The following MYH11 variants were observed in gnomAD, a reference collection of about 807,000 sequenced individuals.
MYH11 encodes myosin heavy chain 11, also known as myosin-11.
In MYH11, 80 loss-of-function variants were observed where a neutral mutation model predicts 246.6. The ratio of observed to expected loss-of-function variants is 0.32; its 90% CI spans 0.27 to 0.39. The LOEUF (loss-of-function observed/expected upper bound fraction) is 0.39, where lower values mean the gene tolerates loss of function less well. Among genes scored for constraint, MYH11 ranks in the 10% least tolerant of loss-of-function variants. The pLI, the probability that MYH11 is intolerant of heterozygous loss-of-function variation, is 1.00. For synonymous variants in MYH11, 1,071 were observed against 1,015.5 expected (o/e 1.05, Z -1.04); for missense variants, 2,158 against 2,546.8 (o/e 0.85, Z 3.29).
chr16:15,841,159 G>C (rs2044041566), intron 1 of MYH11, among the ~76,000 whole-genome samples: 1 of 152,202 alleles, frequency 6.6e-6, no homozygotes, highest in Non-Finnish European at 1.5e-5. Flanking sequence ...TGTTGTTTGA[G>C]ATGGAGTCTT....
intron 3 of MYH11, among the ~76,000 whole-genome samples, chr16:15,822,062 G>C (rs924992981): frequency 6.6e-6 from 1 of 152,344 alleles, no homozygotes; most frequent in Admixed American, 6.5e-5. Context: ...GAAGGGCCAA[G>C]ATTCTGGTCC....
Position 15,820,970 on chromosome 16 carries a change from T to A in MYH11, c.502+2285A>T, listed in dbSNP as rs141563453. Among the ~76,000 whole-genome samples the A allele has an allele frequency of 7.7e-3, 1,167 of 152,296 alleles. 12 individuals are homozygous for A. The highest frequency in any genetic ancestry group is 0.011 in the Non-Finnish European group (749 of 68,018). On this transcript the variant is annotated intron_variant, in intron 3 of 40. Coordinates refer to ENST00000300036, the MANE Select transcript of MYH11 (RefSeq NM_002474.3). ...TCACTGCAACCTCCACTTCCTGGTCTCAAGCGATCCTCCCACCTCAGCCTC... is the reference window on the plus strand; with the variant it reads ...TCACTGCAACCTCCACTTCCTGGTCACAAGCGATCCTCCCACCTCAGCCTC...
intron 35 of MYH11, 138 bp from the exon 36 acceptor site, chr16:15,719,446 G>T: frequency 6.7e-7 from 1 of 1,483,694 alleles, no homozygotes; most frequent in Non-Finnish European, 9.3e-7. Flanking sequence ...ATACATAGAG[G>T]AGGGAAGCGT....
At position 15,738,651 on chromosome 16, in the gene MYH11, G is replaced by T. The variant is rs373881911; in HGVS notation, c.3035C>A (p.Thr1012Lys). ...TTCTTCCTCTTCTGCAAGATTTGTC[G>T]TTAAGTCACTAATCCTCTCCTCAAG... ...KLLEERISDL[T>K]TNLAEEEEKA... is the part of the protein sequence containing the mutation. The change falls in exon 24 of 41, where the codon ACG (threonine) becomes AAG (lysine). Residue 1012 changes from threonine to lysine, a missense_variant. Thr to Lys is a moderately conservative substitution (Grantham distance 78). Coordinates refer to ENST00000300036, the MANE Select transcript of MYH11 (RefSeq NM_002474.3). 1 of 1,613,810 alleles carries T rather than the reference G, an allele frequency of 6.2e-7. No individual in the cohort carries two copies. Among genetic ancestry groups the T allele is most frequent in the Non-Finnish European group, 8.5e-7 (1 of 1,179,762 alleles).
In MYH11 at chr16:15,763,864, A is replaced by T; in HGVS notation, c.1061T>A (p.Leu354Gln). 6.2e-7 allele frequency: 1 copy of T among 1,612,736 alleles called. No individual in the cohort carries two copies. Among genetic ancestry groups the T allele is most frequent in the South Asian group, 1.1e-5 (1 of 91,036 alleles). ...LSILKVVSSV[L>Q]QLGNIVFKKE... ...CTTGAAGACGATATTTCCAAGCTGC[A>T]GGACCGATGATACCACCTTCAATAT... The change falls in exon 10 of 41, where the codon CTG becomes CAG. Residue 354 changes from leucine (L) to glutamine (Q), a missense_variant. Physicochemically the swap from Leu to Gln is moderately radical, Grantham distance 113. This residue lies in a region of MYH11 where 75 missense variants were observed against 70.0 expected (regional missense o/e 1.07). Coordinates refer to ENST00000300036, the MANE Select transcript of MYH11 (RefSeq NM_002474.3).
At chr16:15,823,133 C>A in intron 3 of MYH11, 122 bp downstream of exon 3, 3 of 1,386,980 alleles carry the variant, frequency 2.2e-6, no homozygotes, top group Non-Finnish European at 3.0e-6. Context: ...CCTTTTTCAG[C>A]CACAGTAACT....
At chr16:15,710,920 A>C (rs960429007) in intron 40 of MYH11, among the ~76,000 whole-genome samples, 18 of 152,044 alleles carry the variant, frequency 1.2e-4, no homozygotes, top group African/African-American at 4.1e-4. Flanking sequence ...TCAGGTGATC[A>C]GCCCACCTCA....
intron 5 of MYH11, among the ~76,000 whole-genome samples, chr16:15,783,987 G>A (rs2042411997): frequency 6.6e-6 from 1 of 152,106 alleles, no homozygotes; most frequent in Non-Finnish European, 1.5e-5. Flanking sequence ...CTTCTAGGCT[G>A]GGACCCACAC....
chr16:15,788,796 A>ATG (rs1491190476), intron 4 of MYH11, among the ~76,000 whole-genome samples: 6,194 of 94,502 alleles, frequency 0.066, 177 homozygotes, highest in South Asian at 0.13. Context: ...AGACCAGAAT[A>ATG]TATGTGTGTG....
At chr16:15,737,000 G>T (rs184475072) in intron 25 of MYH11, among the ~76,000 whole-genome samples, 8 of 152,280 alleles carry the variant, frequency 5.3e-5, no homozygotes, top group African/African-American at 1.9e-4. Flanking sequence ...GCTGCTTGCT[G>T]TGGGTCGGCA....
chr16:15,768,385 G>A (rs1419277005), intron 9 of MYH11, among the ~76,000 whole-genome samples: 2 of 152,112 alleles, frequency 1.3e-5, no homozygotes, highest in African/African-American at 4.8e-5. Flanking sequence ...ACCCAATGTG[G>A]TGGGGAAAAT....
intron 4 of MYH11, among the ~76,000 whole-genome samples, chr16:15,792,926 G>A (rs116947510): frequency 6.6e-6 from 1 of 151,986 alleles, no homozygotes; most frequent in African/African-American, 2.4e-5. Context: ...GTAGAGAGGG[G>A]GTTTGGCCAT....
chr16:15,708,335 G>C (rs1394992416), intron 40 of MYH11, among the ~76,000 whole-genome samples: 1 of 152,152 alleles, frequency 6.6e-6, no homozygotes, highest in East Asian at 1.9e-4. Flanking sequence ...TTGTGACCCA[G>C]ACCAGCCAAC....
At chr16:15,754,144 G>T (rs1374936782) in intron 14 of MYH11, among the ~76,000 whole-genome samples, 1 of 152,156 alleles carries the variant, frequency 6.6e-6, no homozygotes, top group African/African-American at 2.4e-5. Flanking sequence ...TTCAGCCTGG[G>T]AGGCGGAGAT....
At chr16:15,770,523 G>A (rs2042076979) in intron 9 of MYH11, among the ~76,000 whole-genome samples, 1 of 152,114 alleles carries the variant, frequency 6.6e-6, no homozygotes, top group Non-Finnish European at 1.5e-5. Flanking sequence ...CTTGGCCATT[G>A]GTTGGATGAT....
intron 27 of MYH11, among the ~76,000 whole-genome samples, chr16:15,731,852 T>A (rs1489376543): frequency 6.6e-6 from 1 of 152,088 alleles, no homozygotes; most frequent in East Asian, 1.9e-4. Context: ...TGCAGTGGCA[T>A]GACAGGGCTC....
At chr16:15,723,819 A>C (rs573907018) in intron 31 of MYH11, among the ~76,000 whole-genome samples, 2 of 152,342 alleles carry the variant, frequency 1.3e-5, no homozygotes, top group African/African-American at 4.8e-5. Flanking sequence ...ATTACTTGGA[A>C]TACTACTCAA....
At chr16:15,780,189 G>A (rs975796532) in intron 6 of MYH11, among the ~76,000 whole-genome samples, 10 of 152,144 alleles carry the variant, frequency 6.6e-5, no homozygotes, top group African/African-American at 2.4e-4. Flanking sequence ...ACATGCAAAC[G>A]CAGTGCTTCT....
intron 4 of MYH11, among the ~76,000 whole-genome samples, chr16:15,797,483 T>G (rs2042768613): frequency 6.6e-6 from 1 of 151,096 alleles, no homozygotes; most frequent in South Asian, 2.1e-4. Flanking sequence ...GGAAATGCTA[T>G]ATTTTATTTA....
Sources: allele counts gnomAD v4.1 joint callset (sites outside exome capture counted in the v4.1 genomes callset), GRCh38; gene constraint gnomAD v4.1.1; regional missense constraint gnomAD v4.1.1; transcripts MANE v1.5; gene names NCBI Gene and HGNC (gene_info 2026-07-23, HGNC 2026-07-21).